SLC13A1: variants seen among roughly 807,000 people sequenced by gnomAD.
The protein encoded by SLC13A1 is solute carrier family 13 member 1.
In SLC13A1, 65 loss-of-function variants were observed where a neutral mutation model predicts 70.0. That is an observed-to-expected ratio of 0.93 (90% CI 0.76 to 1.14). The LOEUF is 1.14. SLC13A1 is among the 50% of genes most tolerant of loss of function. The pLI is 0.00. For missense variants in SLC13A1, 726 were observed against 717.8 expected, an observed-to-expected ratio of 1.01 and a Z score of -0.13; for synonymous variants, 275 against 250.5, an observed-to-expected ratio of 1.10 and a Z score of -0.92.
At chr7:123,149,405 C>A in intron 6 of SLC13A1, 2 of 448,752 alleles carry the variant, frequency 4.5e-6, no homozygotes, top group Non-Finnish European at 8.9e-6. Flanking sequence ...TGGTAGATAG[C>A]AAGTTCTCCA....
intron 8 of SLC13A1, among the ~76,000 whole-genome samples, chr7:123,133,907 A>T (rs1793856842): frequency 6.6e-6 from 1 of 151,828 alleles, no homozygotes; most frequent in African/African-American, 2.4e-5. Flanking sequence ...GTGTGATCTC[A>T]GCTCACTGCC....
intron 9 of SLC13A1, 139 bp from the exon 10 acceptor site, chr7:123,129,085 A>G (rs1793663143): frequency 1.4e-6 from 1 of 711,954 alleles, no homozygotes; most frequent in South Asian, 1.6e-5. Context: ...ATTTGAGAGC[A>G]TCAGTGCAGT....
chr7:123,128,815 G>A (rs763050704), intron 10 of SLC13A1, 30 bp downstream of exon 10: 1 of 1,435,500 alleles, frequency 7.0e-7, no homozygotes, highest in South Asian at 1.2e-5. Flanking sequence ...AAAACAGGAA[G>A]GGCTGACAAA....
intron 7 of SLC13A1, among the ~76,000 whole-genome samples, chr7:123,135,004 G>A (rs1793906532): frequency 6.6e-6 from 1 of 152,152 alleles, no homozygotes; most frequent in Non-Finnish European, 1.5e-5. Flanking sequence ...TTGGCCATGT[G>A]AAAGTACTCT....
chr7:123,170,753 C>A (rs1289790594), intron 3 of SLC13A1, among the ~76,000 whole-genome samples: 1 of 151,968 alleles, frequency 6.6e-6, no homozygotes, highest in Non-Finnish European at 1.5e-5. Context: ...CTCAGCTTCC[C>A]GAGTAGCTGG....
At chr7:123,182,651 T>C (rs574642253) in intron 1 of SLC13A1, among the ~76,000 whole-genome samples, 2 of 152,130 alleles carry the variant, frequency 1.3e-5, no homozygotes, top group South Asian at 2.1e-4. Flanking sequence ...GAATACATAG[T>C]GCTAGCTGGT....
At position 123,181,203 on chromosome 7, in the gene SLC13A1, C is replaced by G. The variant is rs967633001; in HGVS notation, c.100-102G>C. On this transcript the variant is annotated intron_variant, in intron 1 of 14. Coordinates refer to ENST00000194130, the MANE Select transcript of SLC13A1 (RefSeq NM_022444.4). ...CTTAATAGAGCCATGTCACAGAGAA[C>G]GTAAGAAGATCTGAAGACCTCTGCA... 4 of 1,285,796 alleles carry G rather than the reference C, an allele frequency of 3.1e-6. No individual in the cohort carries two copies. In the African/African-American group the frequency reaches 4.5e-5, roughly 15 times the overall value. 79.6% of individuals were successfully genotyped at this position (1,285,796 alleles called of 1,614,324 possible). A position where few individuals can be genotyped will look rare whatever the true frequency, so the allele number is the denominator to read the frequency against.
intron 14 of SLC13A1, among the ~76,000 whole-genome samples, chr7:123,117,192 C>T (rs752323340): frequency 2.0e-5 from 3 of 152,044 alleles, no homozygotes; most frequent in Non-Finnish European, 2.9e-5. Flanking sequence ...TTTATGCTGT[C>T]GTGTGGAGCA....
rs570078704 is a variant in SLC13A1, at chr7:123,138,311, G to A, written c.813-3782C>T. 4.3e-4 allele frequency among the ~76,000 whole-genome samples: 65 copies of A among 152,104 alleles called. 1 individual carries two copies. Among genetic ancestry groups the A allele is most frequent in the Middle Eastern group, 3.4e-3 (1 of 294 alleles). ...TGTACCACATTTTCTTCATCCATCC[G>A]TTGATAGGCACTTAGGTTGCATCCA... On this transcript the variant is annotated intron_variant, in intron 7 of 14. Transcript: ENST00000194130.
At chr7:123,120,017 C>G (rs962025677) in intron 12 of SLC13A1, among the ~76,000 whole-genome samples, 2 of 152,020 alleles carry the variant, frequency 1.3e-5, no homozygotes, top group Non-Finnish European at 2.9e-5. Context: ...AACTAAAAAA[C>G]TCCCCACAAA....
chr7:123,182,449 A>G (rs1795669266), intron 1 of SLC13A1, among the ~76,000 whole-genome samples: 1 of 152,060 alleles, frequency 6.6e-6, no homozygotes, highest in South Asian at 2.1e-4. Flanking sequence ...CCCAGTCATT[A>G]TATCTCTCAA....
At chr7:123,158,992 A>C (rs1024990988) in intron 6 of SLC13A1, among the ~76,000 whole-genome samples, 1 of 152,080 alleles carries the variant, frequency 6.6e-6, no homozygotes, top group Non-Finnish European at 1.5e-5. Context: ...TACAATGGTG[A>C]ACAAAGATAT....
intron 2 of SLC13A1, among the ~76,000 whole-genome samples, chr7:123,180,082 C>A (rs78989719): frequency 2.0e-5 from 3 of 151,824 alleles, no homozygotes; most frequent in Non-Finnish European, 4.4e-5. Flanking sequence ...AGAAAAGACT[C>A]GAAGTTAGGT....
chr7:123,159,366 G>A lies in SLC13A1; in HGVS notation c.660+9008C>T, dbSNP rs538119782. On this transcript the variant is annotated intron_variant, in intron 6 of 14. Transcript: ENST00000194130. ...GATAGGGCTGATGTCCTTGTAAAAA[G>A]AGCAAAAGGGACCAGAAATCCCTCT... 8.0e-4 allele frequency among the ~76,000 whole-genome samples: 122 copies of A among 152,262 alleles called. No homozygotes were observed. In the South Asian group the frequency reaches 8.3e-3, roughly 10 times the overall value.
chr7:123,118,988 A>C (rs1196916658), intron 13 of SLC13A1, 93 bp downstream of exon 13: 1 of 1,206,460 alleles, frequency 8.3e-7, no homozygotes, highest in Non-Finnish European at 1.1e-6. Context: ...ATTTAGACCA[A>C]AAGAGATTCC....
At chr7:123,153,596 G>A (rs903255717) in intron 6 of SLC13A1, among the ~76,000 whole-genome samples, 1 of 151,978 alleles carries the variant, frequency 6.6e-6, no homozygotes, top group East Asian at 1.9e-4. Context: ...TGAAAAATAG[G>A]GCTCTTAAGA....
intron 2 of SLC13A1, among the ~76,000 whole-genome samples, chr7:123,179,656 G>C (rs750507120): frequency 8.5e-5 from 13 of 152,064 alleles, no homozygotes; most frequent in Non-Finnish European, 1.6e-4. Context: ...CTTCCCTCCT[G>C]CTTCCCTCTA....
intron 7 of SLC13A1, among the ~76,000 whole-genome samples, chr7:123,138,661 T>C (rs1033295648): frequency 2.0e-5 from 3 of 152,196 alleles, no homozygotes; most frequent in Non-Finnish European, 4.4e-5. Flanking sequence ...TACATTTCTC[T>C]GATGATCAGT....
At chr7:123,142,880 G>T (rs1341671221) in intron 7 of SLC13A1, among the ~76,000 whole-genome samples, 1 of 152,010 alleles carries the variant, frequency 6.6e-6, no homozygotes, top group Non-Finnish European at 1.5e-5. Context: ...GCCTCCCAAA[G>T]TGCTGGGATT....
Sources: allele counts gnomAD v4.1 joint callset (sites outside exome capture counted in the v4.1 genomes callset), GRCh38; gene constraint gnomAD v4.1.1; transcripts MANE v1.5; gene names NCBI Gene and HGNC (gene_info 2026-07-23, HGNC 2026-07-21).